The following STARD13 variants were observed in gnomAD, a reference collection of about 807,000 sequenced individuals.
STARD13 encodes the protein StAR related lipid transfer domain containing 13.
A neutral mutation model predicts 106.4 loss-of-function variants in STARD13; 62 were observed. The observed-to-expected ratio is 0.58, with a 90% CI of 0.48 to 0.72. The LOEUF is 0.72. STARD13 is among the 30% of genes least tolerant of loss of function. STARD13 has a pLI of 0.00. For missense variants in STARD13, 1,387 were observed against 1,424.0 expected (o/e 0.97, Z 0.42); for synonymous variants, 565 against 553.0 (o/e 1.02, Z -0.31).
intron 4 of STARD13, among the ~76,000 whole-genome samples, chr13:33,134,333 T>G (rs933469927): frequency 1.3e-5 from 2 of 152,220 alleles, no homozygotes; most frequent in Admixed American, 6.5e-5. Context: ...TATGAATTTG[T>G]GTTGGGGCAC....
chr13:33,106,253 C>T (rs1005296149), intron 13 of STARD13, among the ~76,000 whole-genome samples: 1 of 152,160 alleles, frequency 6.6e-6, no homozygotes, highest in African/African-American at 2.4e-5. Flanking sequence ...GGCCCTGTCT[C>T]TACAAAAACA....
intron 1 of STARD13, among the ~76,000 whole-genome samples, chr13:33,233,554 C>T (rs1889032486): frequency 6.6e-6 from 1 of 152,212 alleles, no homozygotes; most frequent in African/African-American, 2.4e-5. Context: ...CCTTCACCAT[C>T]CTTCAGTTGT....
At chr13:33,218,458 C>T (rs181524072) in intron 1 of STARD13, among the ~76,000 whole-genome samples, 4 of 152,166 alleles carry the variant, frequency 2.6e-5, no homozygotes, top group Admixed American at 2.0e-4. Context: ...CTCAATAAAC[C>T]CTATGTCTCA....
At chr13:33,558,635 G>A in the STARD13 span, among the ~76,000 whole-genome samples, 18 of 152,052 alleles carry the variant, frequency 1.2e-4, no homozygotes, top group African/African-American at 4.1e-4. Context: ...TTAGGAAAAG[G>A]GGCAAAAACT....
At chr13:33,673,008 AGTTCCTTTTAGAGTG>A in the STARD13 span, among the ~76,000 whole-genome samples, 1 of 152,226 alleles carries the variant, frequency 6.6e-6, no homozygotes, top group Admixed American at 6.5e-5. Context: ...CATATGCATA[AGTTCCTTTTAGAGTG>A]GTTCAAAGAC....
At chr13:33,264,083 G>T (rs1660156985) in intron 1 of STARD13, among the ~76,000 whole-genome samples, 1 of 152,240 alleles carries the variant, frequency 6.6e-6, no homozygotes, top group Non-Finnish European at 1.5e-5. Flanking sequence ...TGCACCAGCT[G>T]CCAGTCTCAC....
the STARD13 span, among the ~76,000 whole-genome samples, chr13:33,412,148 T>G: frequency 6.6e-6 from 1 of 152,200 alleles, no homozygotes; most frequent in Non-Finnish European, 1.5e-5. Context: ...AGAAAATATT[T>G]AAGTTCTAAA....
rs192458244 is a variant in STARD13, at chr13:33,135,014, G to T, written c.388-4725C>A. ...AGATCCCAAGACTCAAAAGGTCAGT[G>T]CCCATTGCATTCTGCACTGGTCACA... On this transcript the variant is annotated intron_variant, in intron 4 of 13. Transcript: ENST00000336934. 1.9e-4 allele frequency among the ~76,000 whole-genome samples: 29 copies of T among 152,340 alleles called. No individual in the cohort carries two copies. In the South Asian group the frequency reaches 2.5e-3, roughly 13 times the overall value.
In STARD13 at chr13:33,209,526, G is replaced by A. The variant is rs543116103; in HGVS notation, c.170-41904C>T. On this transcript the variant is annotated intron_variant, in intron 1 of 13. Transcript: ENST00000336934. Reference sequence around the variant, plus strand: ...CATTCCAAGCAATATCTAGGTGTAAGTGCAGTGAAAGTTCATAAACTGAAC... The same window carrying A: ...CATTCCAAGCAATATCTAGGTGTAAATGCAGTGAAAGTTCATAAACTGAAC... 2.6e-3 allele frequency among the ~76,000 whole-genome samples: 391 copies of A among 151,798 alleles called. 2 individuals are homozygous for A. The highest frequency in any genetic ancestry group is 4.2e-3 in the Non-Finnish European group (283 of 67,980).
chr13:33,203,930 A>G (rs907235279), intron 1 of STARD13, among the ~76,000 whole-genome samples: 9 of 152,370 alleles, frequency 5.9e-5, no homozygotes, highest in Middle Eastern at 3.4e-3. Flanking sequence ...CATTTGAAAT[A>G]TCTCTGGGAG....
At chr13:33,567,848 C>G in the STARD13 span, among the ~76,000 whole-genome samples, 1 of 147,656 alleles carries the variant, frequency 6.8e-6, no homozygotes, top group African/African-American at 2.5e-5. Flanking sequence ...TGCTGTTTGC[C>G]CATTTCATGC....
the STARD13 span, among the ~76,000 whole-genome samples, chr13:33,580,910 C>A: frequency 6.6e-6 from 1 of 152,100 alleles, no homozygotes; most frequent in African/African-American, 2.4e-5. Flanking sequence ...ATGACTACTT[C>A]TTAAGAAACC....
At chr13:33,472,503 T>C in the STARD13 span, among the ~76,000 whole-genome samples, 1 of 152,152 alleles carries the variant, frequency 6.6e-6, no homozygotes, top group Admixed American at 6.6e-5. Flanking sequence ...CTCTACCGAC[T>C]AGGTTCCAGT....
At chr13:33,539,926 A>G in the STARD13 span, among the ~76,000 whole-genome samples, 1 of 152,238 alleles carries the variant, frequency 6.6e-6, no homozygotes, top group Non-Finnish European at 1.5e-5. Flanking sequence ...TATACTTCTG[A>G]CAAAAAAGTC....
chr13:33,384,321 G>A, the STARD13 span, among the ~76,000 whole-genome samples: 1 of 152,110 alleles, frequency 6.6e-6, no homozygotes, highest in Non-Finnish European at 1.5e-5. Context: ...TAAATCAATG[G>A]TTAAAGCACT....
upstream of STARD13, among the ~76,000 whole-genome samples, chr13:33,287,616 T>A (rs1435841425): frequency 6.9e-6 from 1 of 145,330 alleles, no homozygotes; most frequent in Non-Finnish European, 1.5e-5. Flanking sequence ...TGGAGAAAGG[T>A]CGAGCACCAT....
the STARD13 span, among the ~76,000 whole-genome samples, chr13:33,379,253 CTATCA>C: frequency 2.6e-5 from 4 of 152,130 alleles, no homozygotes; most frequent in African/African-American, 7.2e-5. Context: ...CTAAGATATC[CTATCA>C]TATGTTTGAA....
chr13:33,236,511 A>G (rs1265143277), intron 1 of STARD13, among the ~76,000 whole-genome samples: 2 of 152,246 alleles, frequency 1.3e-5, no homozygotes, highest in Non-Finnish European at 2.9e-5. Context: ...ATATGCAAAG[A>G]TTTCCAAACT....
the STARD13 span, among the ~76,000 whole-genome samples, chr13:33,378,261 C>A: frequency 6.6e-6 from 1 of 152,164 alleles, no homozygotes; most frequent in African/African-American, 2.4e-5. Context: ...ACTCCCAAGG[C>A]CAGGCTGAAC....
Sources: allele counts gnomAD v4.1 joint callset (sites outside exome capture counted in the v4.1 genomes callset), GRCh38; gene constraint gnomAD v4.1.1; transcripts MANE v1.5; gene names NCBI Gene and HGNC (gene_info 2026-07-23, HGNC 2026-07-21).